Variants in CISD2 observed in about 807,000 individuals in gnomAD.
CISD2 encodes the protein CDGSH iron sulfur domain 2, also known as CDGSH iron-sulfur domain-containing protein 2.
In CISD2, 1 loss-of-function variant was observed where a neutral mutation model predicts 12.9. That is an observed-to-expected ratio of 0.08 (90% CI 0.03 to 0.37). CISD2 has a LOEUF of 0.37. Among genes scored for constraint, CISD2 ranks in the 10% least tolerant of loss-of-function variants. CISD2 has a pLI of 0.99. For synonymous variants in CISD2, 50 were observed against 60.6 expected (o/e 0.83, Z 0.81); for missense variants, 97 against 163.1 (o/e 0.59, Z 2.21).
At chr4:102,874,382 T>G (rs1733542939) in intron 1 of CISD2, 1 of 152,182 alleles carries the variant, frequency 6.6e-6, no homozygotes, top group Admixed American at 6.5e-5. Context: ...CTATCCTCAC[T>G]ACCTAGGTGG....
intron 1 of CISD2, among the ~76,000 whole-genome samples, chr4:102,881,575 CA>C (rs746331766): frequency 6.6e-6 from 1 of 152,186 alleles, no homozygotes; most frequent in Non-Finnish European, 1.5e-5. Flanking sequence ...TGTATCAGTA[CA>C]AAAACAGCCT....
Position 102,890,854 on chromosome 4 carries a change from GTC to G in CISD2, c.*3426_*3427del, listed in dbSNP as rs1168623936. The G allele has an allele frequency of 9.7e-4, 69 of 71,216 alleles. 1 individual carries two copies. The highest frequency in any genetic ancestry group is 5.4e-3 in the African/African-American group (67 of 12,414). The allele number at this position is 71,216 out of a possible 1,614,324, so 4.4% of individuals were successfully genotyped here. On this transcript the variant is annotated 3_prime_UTR_variant, in exon 3 of 3. Coordinates refer to ENST00000273986, the MANE Select transcript of CISD2 (RefSeq NM_001008388.5). The stretch of plus-strand genomic sequence containing the variant: ...AAACCCTATCTTAAAAAAAAAAAAA[GTC>G]TTTTTTTTTTTTCATCTAATCAAAT...
In CISD2 at chr4:102,890,854, G is replaced by A. The variant is rs1443348572; in HGVS notation, c.*3424G>A. Reference sequence around the variant, plus strand: ...AAACCCTATCTTAAAAAAAAAAAAAGTCTTTTTTTTTTTTCATCTAATCAA... The same window carrying A: ...AAACCCTATCTTAAAAAAAAAAAAAATCTTTTTTTTTTTTCATCTAATCAA... On this transcript the variant is annotated 3_prime_UTR_variant, in exon 3 of 3. Coordinates refer to ENST00000273986, the MANE Select transcript of CISD2 (RefSeq NM_001008388.5). The A allele has an allele frequency of 5.6e-5, 4 of 71,212 alleles. No individual in the cohort carries two copies. The highest frequency in any genetic ancestry group is 1.6e-4 in the African/African-American group (2 of 12,388). The allele number at this position is 71,212 out of a possible 1,614,324, so 4.4% of individuals were successfully genotyped here. A position where few individuals can be genotyped will look rare whatever the true frequency, so the allele number is the denominator to read the frequency against.
At chr4:102,879,026 G>C (rs1003475959) in intron 1 of CISD2, among the ~76,000 whole-genome samples, 9 of 152,160 alleles carry the variant, frequency 5.9e-5, no homozygotes, top group Non-Finnish European at 1.2e-4. Context: ...CCTTTTTCAC[G>C]AGGCAGGAGA....
chr4:102,880,232 C>T (rs1001970576), intron 1 of CISD2, among the ~76,000 whole-genome samples: 4 of 152,182 alleles, frequency 2.6e-5, no homozygotes, highest in African/African-American at 9.7e-5. Flanking sequence ...GCGTAAGCCA[C>T]CACGCCCAGC....
At chr4:102,878,251 T>G (rs902141153) in intron 1 of CISD2, among the ~76,000 whole-genome samples, 1 of 152,252 alleles carries the variant, frequency 6.6e-6, no homozygotes, top group East Asian at 1.9e-4. Flanking sequence ...TTCTCCTGCC[T>G]CAGCCTCCCG....
At chr4:102,874,038 A>G (rs574147100) in intron 1 of CISD2, among the ~76,000 whole-genome samples, 2 of 151,934 alleles carry the variant, frequency 1.3e-5, no homozygotes, top group Non-Finnish European at 1.5e-5. Context: ...AGGCAGGAGA[A>G]TCGCTTGAAC....
At chr4:102,869,700 T>C (rs1733375774) in intron 1 of CISD2, among the ~76,000 whole-genome samples, 1 of 152,074 alleles carries the variant, frequency 6.6e-6, no homozygotes, top group African/African-American at 2.4e-5. Flanking sequence ...GGAGATAACC[T>C]CCATTCCCTC....
chr4:102,872,898 A>G (rs369274193), intron 1 of CISD2, among the ~76,000 whole-genome samples: 67 of 152,318 alleles, frequency 4.4e-4, no homozygotes, highest in African/African-American at 1.6e-3. Context: ...ACTACGCAAG[A>G]CTGGGTAATT....
intron 1 of CISD2, among the ~76,000 whole-genome samples, chr4:102,872,520 T>C (rs557649728): frequency 1.3e-5 from 2 of 152,316 alleles, no homozygotes; most frequent in South Asian, 4.1e-4. Context: ...AAGCTGCCAG[T>C]ATTATTTTTA....
rs112888724 is a variant in CISD2 at position 102,884,913 on chromosome 4, C to T, written c.104-303C>T. 3,372 of 344,396 alleles carry T rather than the reference C, an allele frequency of 9.8e-3. 92 individuals are homozygous for T. Among genetic ancestry groups the T allele is most frequent in the African/African-American group, 0.061 (2,899 of 47,316 alleles). 21.3% of individuals were successfully genotyped at this position (344,396 alleles called of 1,614,324 possible). On this transcript the variant is annotated intron_variant, in intron 1 of 2. Transcript: ENST00000273986. The stretch of plus-strand genomic sequence containing the variant: ...TTGTTTATAGTTATAGTGATCATAA[C>T]TCCTAAAATAAAAATAGACAAACAC...
intron 1 of CISD2, among the ~76,000 whole-genome samples, chr4:102,872,709 T>TTTA (rs1733489354): frequency 6.6e-6 from 1 of 152,228 alleles, no homozygotes; most frequent in Non-Finnish European, 1.5e-5. Flanking sequence ...AATAATAGTA[T>TTTA]TTATATGTCA....
chr4:102,878,616 C>G (rs1733645081), intron 1 of CISD2, among the ~76,000 whole-genome samples: 1 of 152,192 alleles, frequency 6.6e-6, no homozygotes, highest in Non-Finnish European at 1.5e-5. Flanking sequence ...TGCTCCATTT[C>G]CCAGTAAGTT....
rs1380328863 is a variant in CISD2 at position 102,869,108 on chromosome 4, T to C, written c.24T>C (p.Arg8=). ...GGATGGTGCTGGAGAGCGTGGCCCG[T>C]ATCGTGAAGGTGCAGCTCCCTGCAT... MVLESVA[R]IVKVQLPAYL... The change falls in exon 1 of 3, where the codon CGT becomes CGC. Residue 8 remains arginine (R), a synonymous_variant. Transcript: ENST00000273986. The C allele has an allele frequency of 3.7e-6, 6 of 1,612,158 alleles. No individual in the cohort carries two copies. Among genetic ancestry groups the C allele is most frequent in the Admixed American group, 1.7e-5 (1 of 59,884 alleles).
rs866770521 is a variant in CISD2 at position 102,873,166 on chromosome 4, G to C, written c.103+3979G>C. On this transcript the variant is annotated intron_variant, in intron 1 of 2. Transcript: ENST00000273986. ...CTCCACCTGGTCTTTCCCTTGGCAC[G>C]AGATTATGGGGATTATAATTCAAGA... is the stretch of plus-strand genomic sequence containing the variant. Among the ~76,000 whole-genome samples the C allele has an allele frequency of 3.3e-5, 5 of 152,182 alleles. No individual in the cohort carries two copies. The South Asian group carries it at 8.3e-4, about 25-fold the overall frequency.
Position 102,887,727 on chromosome 4 carries a change from T to C in CISD2, c.*297T>C, listed in dbSNP as rs1318764364. ...CTGTTTGTTTCTTTGAATATCAATA[T>C]TTTCAACAGGATCTTGTATTTAAAA... On this transcript the variant is annotated 3_prime_UTR_variant, in exon 3 of 3. Coordinates refer to ENST00000273986, the MANE Select transcript of CISD2 (RefSeq NM_001008388.5). The C allele has an allele frequency of 9.5e-6, 2 of 210,232 alleles. No individual in the cohort carries two copies. Among genetic ancestry groups the C allele is most frequent in the Admixed American group, 5.4e-5 (1 of 18,370 alleles). The allele number at this position is 210,232 out of a possible 1,614,324, so 13.0% of individuals were successfully genotyped here. A position where few individuals can be genotyped will look rare whatever the true frequency, so the allele number is the denominator to read the frequency against.
Position 102,885,290 on chromosome 4 carries a change from C to T in CISD2, c.178C>T (p.Leu60Phe). The T allele has an allele frequency of 6.2e-7, 1 of 1,614,080 alleles. No individual in the cohort carries two copies. The highest frequency in any genetic ancestry group is 8.5e-7 in the Non-Finnish European group (1 of 1,179,990). ...LLGYLAVRPFLPKKKQQKDSL... is the reference protein window; with the variant it reads ...LLGYLAVRPFFPKKKQQKDSL... The stretch of plus-strand genomic sequence containing the variant: ...TGGCTACCTTGCAGTTCGTCCATTC[C>T]TCCCGAAGAAGAAACAACAGAAGGA... Residue 60 changes from leucine to phenylalanine, a missense_variant, in exon 2 of 3, where the codon CTC becomes TTC. By Grantham distance (22) the Leu-to-Phe change is conservative. This residue lies in a region of CISD2 where 89 missense variants were observed against 114.4 expected (regional missense o/e 0.78). Transcript: ENST00000273986.
chr4:102,892,663 C>T lies in CISD2; in HGVS notation c.*5233C>T, dbSNP rs1017905595. 2.0e-5 allele frequency: 3 copies of T among 152,092 alleles called. No individual in the cohort carries two copies. Among genetic ancestry groups the T allele is most frequent in the Non-Finnish European group, 2.9e-5 (2 of 68,018 alleles). 9.4% of individuals were successfully genotyped at this position (152,092 alleles called of 1,614,324 possible). On this transcript the variant is annotated 3_prime_UTR_variant, in exon 3 of 3. Transcript: ENST00000273986. Reference sequence around the variant, plus strand: ...CTTAGAACACTGTTGTCAGATAGATCAGCCATAATGTTAACACATTTCTGA... The same window carrying T: ...CTTAGAACACTGTTGTCAGATAGATTAGCCATAATGTTAACACATTTCTGA...
At chr4:102,870,237 A>T (rs1362572747) in intron 1 of CISD2, among the ~76,000 whole-genome samples, 1 of 152,252 alleles carries the variant, frequency 6.6e-6, no homozygotes, top group Non-Finnish European at 1.5e-5. Context: ...GTGTAGACTA[A>T]AATATAGAAC....
Sources: gnomAD v4.1 joint callset for allele counts (sites outside exome capture counted in the v4.1 genomes callset) on GRCh38, gnomAD v4.1.1 for gene constraint, gnomAD v4.1.1 regional missense constraint, MANE v1.5 for transcripts, NCBI Gene and HGNC (gene_info 2026-07-23, HGNC 2026-07-21) for gene names.